Variants in SI observed in about 807,000 individuals in gnomAD.
The protein encoded by SI is sucrase-isomaltase, intestinal.
SI carries 235 observed loss-of-function variants against 253.3 expected under a neutral mutation model. That is an observed-to-expected ratio of 0.93 (90% confidence interval 0.83 to 1.03). SI has a LOEUF of 1.03. Ranked by LOEUF, SI falls within the 50% of genes least tolerant of loss-of-function variation. The pLI, the probability that SI is intolerant of heterozygous loss-of-function variation, is 0.00. For missense variants in SI, 2,442 were observed against 2,211.1 expected (o/e 1.10, Z -2.09); for synonymous variants, 819 against 712.0 (o/e 1.15, Z -2.39).
At chr3:165,085,367 C>A in the SI span, among the ~76,000 whole-genome samples, 2 of 152,244 alleles carry the variant, frequency 1.3e-5, no homozygotes, top group East Asian at 3.9e-4. Flanking sequence ...CTTTCTAATT[C>A]TTCAATCAAG....
chr3:165,082,868 G>C (rs1015086715), upstream of SI, among the ~76,000 whole-genome samples: 5 of 151,978 alleles, frequency 3.3e-5, no homozygotes, highest in Non-Finnish European at 7.4e-5. Context: ...TTAGTAACAG[G>C]AAGTTGGAAG....
intron 37 of SI, among the ~76,000 whole-genome samples, chr3:164,999,468 T>G (rs536283697): frequency 6.6e-6 from 1 of 151,806 alleles, no homozygotes; most frequent in East Asian, 1.9e-4. Context: ...TAGTTGGAAA[T>G]AAAAATTTTA....
At chr3:165,035,733 A>G (rs1441529407) in intron 22 of SI, among the ~76,000 whole-genome samples, 1 of 151,530 alleles carries the variant, frequency 6.6e-6, no homozygotes. Context: ...ACAGCCCTCT[A>G]TTAGAAGAAA....
At chr3:164,989,433 A>AAAGAAAGAAAGAAAGAAAGAAAGAAAGG (rs1553768937) in intron 44 of SI, among the ~76,000 whole-genome samples, 1 of 132,782 alleles carries the variant, frequency 7.5e-6, no homozygotes, top group African/African-American at 3.6e-5. Context: ...AGAAAGAAAG[A>AAAGAAAGAAAGAAAGAAAGAAAGAAAGG]AAGGAAAGAA....
intron 9 of SI, among the ~76,000 whole-genome samples, chr3:165,060,894 T>C (rs1244402615): frequency 6.8e-6 from 1 of 148,048 alleles, no homozygotes; most frequent in Non-Finnish European, 1.5e-5. Context: ...GGATCCATGA[T>C]TTCTCCATGA....
chr3:165,055,960 A>C (rs1713674801), intron 12 of SI, among the ~76,000 whole-genome samples: 1 of 152,128 alleles, frequency 6.6e-6, no homozygotes. Flanking sequence ...AGCAATTTAA[A>C]CCCAAACAGT....
At chr3:165,065,212 CT>C in intron 7 of SI, 48 bp downstream of exon 7, 1 of 1,179,100 alleles carries the variant, frequency 8.5e-7, no homozygotes, top group South Asian at 1.2e-5. Context: ...AGATTTTCAT[CT>C]GCTGCAATAT....
At chr3:165,072,949 A>G (rs1259247306) in intron 3 of SI, among the ~76,000 whole-genome samples, 2 of 152,172 alleles carry the variant, frequency 1.3e-5, no homozygotes, top group African/African-American at 4.8e-5. Flanking sequence ...TTTATAAATA[A>G]CAAGCATAAA....
At chr3:165,081,670 A>G (rs2108128816), upstream of SI, among the ~76,000 whole-genome samples, 1 of 152,166 alleles carries the variant, frequency 6.6e-6, no homozygotes, top group Admixed American at 6.6e-5. Context: ...TGCTTCTTTT[A>G]GAGGCCTGTG....
intron 23 of SI, 79 bp from the exon 24 acceptor site, chr3:165,032,771 A>T: frequency 3.2e-6 from 3 of 928,474 alleles, no homozygotes; most frequent in Non-Finnish European, 5.0e-6. Flanking sequence ...AAGAAATAGC[A>T]AAAAAAGGTC....
intron 14 of SI, 60 bp downstream of exon 14, chr3:165,049,731 T>G: frequency 1.1e-6 from 1 of 924,558 alleles, no homozygotes; most frequent in Non-Finnish European, 1.8e-6. Context: ...TAGAAATTAC[T>G]AGTCAACTAC....
chr3:165,021,958 T>A (rs546139929), intron 26 of SI, among the ~76,000 whole-genome samples: 1 of 151,768 alleles, frequency 6.6e-6, no homozygotes, highest in African/African-American at 2.4e-5. Context: ...GCATTTATTT[T>A]TCATTGTTAA....
intron 13 of SI, among the ~76,000 whole-genome samples, chr3:165,054,198 G>A (rs1328128858): frequency 6.6e-6 from 1 of 152,042 alleles, no homozygotes; most frequent in African/African-American, 2.4e-5. Flanking sequence ...AGCACTTAAG[G>A]AAAATAGAGA....
intron 44 of SI, 43 bp from the exon 45 acceptor site, chr3:164,987,269 AG>A (rs767768807): frequency 1.3e-6 from 2 of 1,481,898 alleles, no homozygotes; most frequent in Non-Finnish European, 1.9e-6. Context: ...TTTGTAGAAT[AG>A]CATATGTCTA....
rs1376892049 is a variant in SI, at chr3:164,998,584, C to T, written c.4496G>A (p.Gly1499Glu). The change falls in exon 38 of 48, where the codon GGA becomes GAA. Residue 1499 changes from glycine to glutamate, a missense_variant. By Grantham distance (98) the Gly-to-Glu change is moderately conservative (BLOSUM62 -2). Coordinates refer to ENST00000264382, the MANE Select transcript of SI (RefSeq NM_001041.4). ...TSGRWGGHWL[G>E]DNYARWDNMD... ...GTTGTCCCATCGTGCATAGTTGTCT[C>T]CAAGCCAGTGTCCTCCCCATCGTCC... 2.5e-6 allele frequency: 4 copies of T among 1,612,248 alleles called. No individual in the cohort carries two copies. The highest frequency in any genetic ancestry group is 1.1e-5 in the South Asian group (1 of 91,060).
At chr3:165,089,149 T>C in the SI span, among the ~76,000 whole-genome samples, 1 of 151,840 alleles carries the variant, frequency 6.6e-6, no homozygotes, top group Non-Finnish European at 1.5e-5. Flanking sequence ...TGGCTGTCTT[T>C]AGTTTTCATA....
intron 37 of SI, among the ~76,000 whole-genome samples, chr3:164,999,603 T>A (rs1000968609): frequency 6.6e-6 from 1 of 151,636 alleles, no homozygotes; most frequent in Non-Finnish European, 1.5e-5. Context: ...AAGTATTGAG[T>A]CATTTCCTTG....
chr3:165,077,026 T>C (rs1715036497), intron 1 of SI, among the ~76,000 whole-genome samples: 1 of 150,682 alleles, frequency 6.6e-6, no homozygotes, highest in African/African-American at 2.4e-5. Context: ...TCTGTAACTA[T>C]GTCAACTCAT....
At chr3:165,056,736 A>G (rs1560011254) in intron 12 of SI, among the ~76,000 whole-genome samples, 2 of 152,166 alleles carry the variant, frequency 1.3e-5, no homozygotes, top group African/African-American at 4.8e-5. Context: ...GCCATAGGCT[A>G]TGAGTCTGCA....
Sources: allele counts gnomAD v4.1 joint callset (sites outside exome capture counted in the v4.1 genomes callset), GRCh38; gene constraint gnomAD v4.1.1; transcripts MANE v1.5; gene names NCBI Gene and HGNC (gene_info 2026-07-23, HGNC 2026-07-21).